The following FAM193A variants were observed in gnomAD, a reference collection of about 807,000 sequenced individuals.
FAM193A encodes family with sequence similarity 193 member A.
A neutral mutation model predicts 126.5 loss-of-function variants in FAM193A; 22 were observed. The observed-to-expected ratio is 0.17, with a 90% CI of 0.12 to 0.25. FAM193A has a LOEUF of 0.25. Ranked by LOEUF, FAM193A falls within the 10% of genes least tolerant of loss-of-function variation. FAM193A has a pLI of 1.00. For synonymous variants in FAM193A, 761 were observed against 646.8 expected, an observed-to-expected ratio of 1.18 and a Z score of -2.68; for missense variants, 1,675 against 1,672.8, an observed-to-expected ratio of 1.00 and a Z score of -0.02.
intron 20 of FAM193A, among the ~76,000 whole-genome samples, chr4:2,726,259 C>T (rs1720734917): frequency 6.6e-6 from 1 of 152,194 alleles, no homozygotes; most frequent in African/African-American, 2.4e-5. Context: ...AGGGTGGTCT[C>T]AAACTCCTGG....
At chr4:2,541,718 A>G (rs1051608716) in intron 1 of FAM193A, among the ~76,000 whole-genome samples, 5 of 152,326 alleles carry the variant, frequency 3.3e-5, no homozygotes, top group African/African-American at 1.2e-4. Context: ...TGCTGGGATT[A>G]CGGGTGTGAC....
chr4:2,667,400 G>A (rs776186813), intron 12 of FAM193A, among the ~76,000 whole-genome samples: 6 of 152,116 alleles, frequency 3.9e-5, no homozygotes, highest in East Asian at 3.8e-4. Flanking sequence ...TGGTTTTATC[G>A]GTTACTGAGA....
At chr4:2,559,963 T>A (rs751278704) in intron 1 of FAM193A, among the ~76,000 whole-genome samples, 1 of 149,906 alleles carries the variant, frequency 6.7e-6, no homozygotes, top group African/African-American at 2.5e-5. Flanking sequence ...TTTTCTTTTT[T>A]CCTTTTTTTT....
chr4:2,693,466 C>T, intron 15 of FAM193A, 120 bp from the exon 16 acceptor site: 3 of 930,272 alleles, frequency 3.2e-6, no homozygotes, highest in Non-Finnish European at 3.3e-6. Flanking sequence ...AATATTAGGT[C>T]GTGAAGATGA....
chr4:2,646,984 T>C (rs1227781732), intron 7 of FAM193A, 152 bp downstream of exon 7: 1 of 859,756 alleles, frequency 1.2e-6, no homozygotes, highest in Non-Finnish European at 1.7e-6. Context: ...GTGTGTTAGC[T>C]GCTGGTTTTC....
At chr4:2,709,838 C>T (rs974652337) in intron 19 of FAM193A, among the ~76,000 whole-genome samples, 3 of 152,262 alleles carry the variant, frequency 2.0e-5, no homozygotes, top group Non-Finnish European at 2.9e-5. Flanking sequence ...GCCCCCTGGA[C>T]CTGGTGTGTT....
intron 12 of FAM193A, 22 bp from the exon 13 acceptor site, chr4:2,672,099 T>C (rs1713864629): frequency 6.2e-7 from 1 of 1,610,612 alleles, no homozygotes; most frequent in Admixed American, 1.7e-5. Context: ...TAAATAGGTA[T>C]GTTTTTTTTC....
chr4:2,681,247 A>G (rs1019465109), intron 13 of FAM193A, among the ~76,000 whole-genome samples: 11 of 151,606 alleles, frequency 7.3e-5, no homozygotes, highest in African/African-American at 2.4e-4. Context: ...CCATCTCACT[A>G]AAGTTTTGTC....
chr4:2,677,387 T>C (rs1035480360), intron 13 of FAM193A, among the ~76,000 whole-genome samples: 4 of 151,964 alleles, frequency 2.6e-5, no homozygotes, highest in African/African-American at 7.3e-5. Context: ...GTCCACCAGG[T>C]TTGGTGGGTT....
intron 5 of FAM193A, among the ~76,000 whole-genome samples, chr4:2,631,950 T>G (rs1227891925): frequency 6.6e-6 from 1 of 152,218 alleles, no homozygotes; most frequent in Non-Finnish European, 1.5e-5. Flanking sequence ...ACTTAAACTT[T>G]ATTATTAAAT....
chr4:2,670,549 T>A (rs919299839), intron 12 of FAM193A, among the ~76,000 whole-genome samples: 6 of 152,070 alleles, frequency 3.9e-5, no homozygotes, highest in African/African-American at 1.4e-4. Context: ...AGCCTGGACC[T>A]CCTGGGCTCA....
At chr4:2,728,751 TTTG>T (rs1016395838) in intron 20 of FAM193A, among the ~76,000 whole-genome samples, 1 of 152,150 alleles carries the variant, frequency 6.6e-6, no homozygotes, top group East Asian at 1.9e-4. Context: ...ATAGGGGTTT[TTTG>T]TTGTTTTGTT....
intron 7 of FAM193A, 62 bp from the exon 8 acceptor site, chr4:2,657,741 G>A (rs1455789326): frequency 3.9e-6 from 4 of 1,038,596 alleles, no homozygotes; most frequent in Admixed American, 4.3e-5. Context: ...AAAATGTCTT[G>A]TATAATTGTC....
intron 1 of FAM193A, among the ~76,000 whole-genome samples, chr4:2,584,253 C>G (rs1453976610): frequency 6.6e-6 from 1 of 151,954 alleles, no homozygotes; most frequent in Non-Finnish European, 1.5e-5. Context: ...TAACAATGTT[C>G]TTTAAACAAC....
intron 1 of FAM193A, among the ~76,000 whole-genome samples, chr4:2,540,346 T>TGAC (rs1424434654): frequency 1.3e-5 from 2 of 152,106 alleles, no homozygotes; most frequent in Admixed American, 1.3e-4. Context: ...CGGGCACCTG[T>TGAC]AGTCCCAGCT....
intron 20 of FAM193A, among the ~76,000 whole-genome samples, chr4:2,723,569 G>A (rs1051578408): frequency 5.5e-4 from 69 of 124,754 alleles, no homozygotes; most frequent in Admixed American, 9.9e-4. Flanking sequence ...GCAAGACTCC[G>A]TCTCAAAAAA....
intron 7 of FAM193A, among the ~76,000 whole-genome samples, chr4:2,655,328 A>G (rs1314330511): frequency 6.6e-6 from 1 of 152,170 alleles, no homozygotes; most frequent in Non-Finnish European, 1.5e-5. Flanking sequence ...CCTAATTTTG[A>G]GACATTCTTG....
rs1353189162 is a variant in FAM193A at position 2,542,948 on chromosome 4, A to G, written c.255+5778A>G. ...GTAGCTTCAACAAAGGAGGAGGACC[A>G]TGGGAGAAGTAGGAAAACATAACTT... On this transcript the variant is annotated intron_variant, in intron 1 of 20. Coordinates refer to ENST00000637812, the MANE Select transcript of FAM193A (RefSeq NM_001366318.2). Among the ~76,000 whole-genome samples, 4 of 152,238 alleles carry G rather than the reference A, an allele frequency of 2.6e-5. No homozygotes were observed. In the East Asian group the frequency reaches 5.8e-4, roughly 22 times the overall value.
At chr4:2,654,801 C>T (rs1284919037) in intron 7 of FAM193A, 1 of 321,082 alleles carries the variant, frequency 3.1e-6, no homozygotes, top group Non-Finnish European at 5.7e-6. Context: ...TTTTGTGCCT[C>T]CATAGTCTGT....
Sources: gnomAD v4.1 joint callset for allele counts (sites outside exome capture counted in the v4.1 genomes callset) on GRCh38, gnomAD v4.1.1 for gene constraint, MANE v1.5 for transcripts, NCBI Gene and HGNC (gene_info 2026-07-23, HGNC 2026-07-21) for gene names.